BOD1: variants seen among roughly 807,000 people sequenced by gnomAD.
BOD1 encodes the protein biorientation of chromosomes in cell division protein 1.
In BOD1, 11 loss-of-function variants were observed where a neutral mutation model predicts 15.7. The ratio of observed to expected loss-of-function variants is 0.70; its 90% CI spans 0.44 to 1.16. The LOEUF is 1.16. Ranked by LOEUF, BOD1 falls within the 50% of genes most tolerant of loss-of-function variation. BOD1 has a pLI of 0.00. For missense variants in BOD1, 182 were observed against 244.5 expected (o/e 0.74, Z 1.70); for synonymous variants, 105 against 103.5 (o/e 1.01, Z -0.09).
chr5:173,613,415 G>A (rs1178104357), intron 1 of BOD1, among the ~76,000 whole-genome samples, 160 bp from the exon 2 acceptor site: 1 of 152,192 alleles, frequency 6.6e-6, no homozygotes, highest in African/African-American at 2.4e-5. Context: ...AGGAATTAAT[G>A]GTTAACACAA....
chr5:173,607,930 A>T lies in BOD1; in HGVS notation c.*364T>A, dbSNP rs182891247. 9 of 277,524 alleles carry T rather than the reference A, an allele frequency of 3.2e-5. No homozygotes were observed. The East Asian group carries it at 6.0e-4, about 19-fold the overall frequency. The allele number at this position is 277,524 out of a possible 1,614,324, so 17.2% of individuals were successfully genotyped here. On this transcript the variant is annotated 3_prime_UTR_variant, in exon 4 of 4. Transcript: ENST00000311086. Reference sequence around the variant, plus strand: ...TGTCTTTGGGACTGGCTATGTTCTCACTGTAGCTTCCGTTTATCCCACAGC... The same window carrying T: ...TGTCTTTGGGACTGGCTATGTTCTCTCTGTAGCTTCCGTTTATCCCACAGC...
intron 3 of BOD1, 52 bp downstream of exon 3, chr5:173,609,186 A>G (rs532194200): frequency 1.3e-5 from 19 of 1,467,612 alleles, no homozygotes; most frequent in African/African-American, 3.2e-5. Flanking sequence ...TCCATTTTAC[A>G]TATCTACAAG....
chr5:173,611,532 GAA>G (rs35299200), intron 2 of BOD1, among the ~76,000 whole-genome samples: 13 of 144,530 alleles, frequency 9.0e-5, no homozygotes, highest in African/African-American at 3.2e-4. Flanking sequence ...AAAAAGCAGG[GAA>G]AAAAAAAAAA....
chr5:173,612,913 G>A (rs531389669), intron 2 of BOD1, among the ~76,000 whole-genome samples: 2 of 152,344 alleles, frequency 1.3e-5, no homozygotes, highest in African/African-American at 4.8e-5. Context: ...CAGTAGAGAT[G>A]CACACAGGAG....
At chr5:173,612,670 A>T (rs555894652) in intron 2 of BOD1, among the ~76,000 whole-genome samples, 1 of 152,356 alleles carries the variant, frequency 6.6e-6, no homozygotes, top group Non-Finnish European at 1.5e-5. Flanking sequence ...ATACTTTATT[A>T]AGACTATGCC....
intron 2 of BOD1, among the ~76,000 whole-genome samples, chr5:173,610,294 G>A (rs1755314985): frequency 6.6e-6 from 1 of 152,214 alleles, no homozygotes; most frequent in Non-Finnish European, 1.5e-5. Flanking sequence ...GACTTCAGAG[G>A]CCATTTAAGC....
intron 2 of BOD1, among the ~76,000 whole-genome samples, chr5:173,611,017 T>G (rs1374296892): frequency 6.6e-6 from 1 of 152,120 alleles, no homozygotes; most frequent in Admixed American, 6.5e-5. Context: ...TCCAGAATGG[T>G]GAGAAGTAAA....
chr5:173,611,721 T>C (rs1458735385), intron 2 of BOD1, among the ~76,000 whole-genome samples: 1 of 152,242 alleles, frequency 6.6e-6, no homozygotes, highest in Non-Finnish European at 1.5e-5. Flanking sequence ...TCTGTTTCAC[T>C]GAACTTCTGT....
rs542434561 is a variant in BOD1 at position 173,616,085 on chromosome 5, C to T, written c.237+115G>A. 3.3e-4 allele frequency: 460 copies of T among 1,375,198 alleles called. 1 individual carries two copies. The highest frequency in any genetic ancestry group is 3.8e-4 in the South Asian group (29 of 77,240). The allele number at this position is 1,375,198 out of a possible 1,614,324, so 85.2% of individuals were successfully genotyped here. A position where few individuals can be genotyped will look rare whatever the true frequency, so the allele number is the denominator to read the frequency against. Reference sequence around the variant, plus strand: ...CTGCCCCAAGCGGTGTAAGACCTCACCGCTGAGATTTCTAAGCTATCTTTT... The same window carrying T: ...CTGCCCCAAGCGGTGTAAGACCTCATCGCTGAGATTTCTAAGCTATCTTTT... On this transcript the variant is annotated intron_variant, in intron 1 of 3. Coordinates refer to ENST00000311086, the MANE Select transcript of BOD1 (RefSeq NM_138369.3).
At chr5:173,612,116 G>A (rs1416701458) in intron 2 of BOD1, among the ~76,000 whole-genome samples, 1 of 152,246 alleles carries the variant, frequency 6.6e-6, no homozygotes, top group African/African-American at 2.4e-5. Flanking sequence ...ACAAGGCACT[G>A]GGCATCTTCT....
intron 2 of BOD1, 58 bp from the exon 3 acceptor site, chr5:173,609,492 C>T (rs1430599634): frequency 2.5e-6 from 4 of 1,572,230 alleles, no homozygotes; most frequent in East Asian, 2.2e-5. Context: ...CATCTTTAGC[C>T]CCAATAAGTG....
In BOD1 at chr5:173,607,991, A is replaced by G; in HGVS notation, c.*303T>C. The stretch of plus-strand genomic sequence containing the variant: ...AAGTCCATGTGCAGTCTCCATGTTC[A>G]AGTATAAAAGTCTGTTTCAGGACAA... On this transcript the variant is annotated 3_prime_UTR_variant, in exon 4 of 4. Coordinates refer to ENST00000311086, the MANE Select transcript of BOD1 (RefSeq NM_138369.3). The G allele has an allele frequency of 4.6e-6, 2 of 435,130 alleles. No individual in the cohort carries two copies. Among genetic ancestry groups the G allele is most frequent in the East Asian group, 7.2e-5 (2 of 27,750 alleles). 27.0% of individuals were successfully genotyped at this position (435,130 alleles called of 1,614,324 possible).
Position 173,616,513 on chromosome 5 carries a change from G to A in BOD1, c.-77C>T. ...CAGAAGGCCTAGAACGTGTAGAGGT[G>A]GTGAAGGGGGCGGTGAAGGAGGAGG... On this transcript the variant is annotated 5_prime_UTR_variant, in exon 1 of 4. Transcript: ENST00000311086. The A allele has an allele frequency of 6.7e-7, 1 of 1,487,978 alleles. No individual in the cohort carries two copies. Among genetic ancestry groups the A allele is most frequent in the Non-Finnish European group, 8.9e-7 (1 of 1,128,242 alleles). 92.2% of individuals were successfully genotyped at this position (1,487,978 alleles called of 1,614,324 possible).
At chr5:173,614,010 T>C (rs544816873) in intron 1 of BOD1, among the ~76,000 whole-genome samples, 1 of 152,310 alleles carries the variant, frequency 6.6e-6, no homozygotes, top group South Asian at 2.1e-4. Flanking sequence ...AGCCTCTCTC[T>C]AGAGGAAGAA....
In BOD1 at chr5:173,607,368, A is replaced by G. The variant is rs893359595; in HGVS notation, c.*926T>C. The G allele has an allele frequency of 6.6e-6, 1 of 152,190 alleles. No individual in the cohort carries two copies. The highest frequency in any genetic ancestry group is 1.9e-4 in the East Asian group (1 of 5,192). The allele number at this position is 152,190 out of a possible 1,614,324, so 9.4% of individuals were successfully genotyped here. Reference sequence around the variant, plus strand: ...CAGTAATGGCTCAGGGAGGAGAGAAACAGCCCACTACTAGCTACACCTACT... The same window carrying G: ...CAGTAATGGCTCAGGGAGGAGAGAAGCAGCCCACTACTAGCTACACCTACT... On this transcript the variant is annotated 3_prime_UTR_variant, in exon 4 of 4. Coordinates refer to ENST00000311086, the MANE Select transcript of BOD1 (RefSeq NM_138369.3).
chr5:173,614,808 AC>A (rs1224141808), intron 1 of BOD1: 2 of 152,370 alleles, frequency 1.3e-5, no homozygotes, highest in Non-Finnish European at 2.9e-5. Context: ...CTCAGGGGAT[AC>A]GTTCCAAGAT....
intron 1 of BOD1, among the ~76,000 whole-genome samples, chr5:173,615,621 G>A (rs1301704832): frequency 6.6e-6 from 1 of 152,238 alleles, no homozygotes; most frequent in Non-Finnish European, 1.5e-5. Context: ...TTTTACTGGT[G>A]GGACTGACCA....
chr5:173,613,562 A>T (rs144631718), intron 1 of BOD1, among the ~76,000 whole-genome samples: 25 of 152,348 alleles, frequency 1.6e-4, no homozygotes, highest in African/African-American at 5.5e-4. Flanking sequence ...CCTGCAGCCA[A>T]GCCACCAGCT....
At chr5:173,612,693 G>A (rs1755387039) in intron 2 of BOD1, among the ~76,000 whole-genome samples, 1 of 152,244 alleles carries the variant, frequency 6.6e-6, no homozygotes, top group Admixed American at 6.5e-5. Context: ...CCTGAAAGCT[G>A]TCACCATTAC....
Sources: gnomAD v4.1 joint callset for allele counts (sites outside exome capture counted in the v4.1 genomes callset) on GRCh38, gnomAD v4.1.1 for gene constraint, MANE v1.5 for transcripts, NCBI Gene and HGNC (gene_info 2026-07-23, HGNC 2026-07-21) for gene names.